The following PCNT variants were observed in gnomAD, a reference collection of about 807,000 sequenced individuals.
PCNT encodes kendrin.
Under a neutral mutation model 380.4 loss-of-function variants are expected in PCNT, and 319 were observed. The observed-to-expected ratio is 0.84, with a 90% CI of 0.77 to 0.92. The LOEUF is 0.92. Ranked by LOEUF, PCNT falls within the 40% of genes least tolerant of loss-of-function variation. The probability of loss-of-function intolerance (pLI) is 0.00; values close to 1 mark genes in which losing one functional copy is unlikely to be tolerated. For missense variants in PCNT, 4,400 were observed against 4,255.3 expected, an observed-to-expected ratio of 1.03 and a Z score of -0.95; for synonymous variants, 1,845 against 1,735.2, an observed-to-expected ratio of 1.06 and a Z score of -1.57.
intron 15 of PCNT, 52 bp from the exon 16 acceptor site, chr21:46,381,642 G>C (rs1460465069): frequency 3.2e-6 from 5 of 1,552,860 alleles, no homozygotes; most frequent in Non-Finnish European, 3.6e-6. Flanking sequence ...TAACAGCAAA[G>C]AAAGTATTTT....
At chr21:46,325,166 C>T (rs1425299835) in intron 1 of PCNT, 1 of 985,650 alleles carries the variant, frequency 1.0e-6, no homozygotes, top group Non-Finnish European at 1.2e-6. Flanking sequence ...AAGGGAGTCC[C>T]GAAAGCGCGA....
chr21:46,342,746 G>A (rs2083945380), intron 3 of PCNT, among the ~76,000 whole-genome samples: 1 of 151,726 alleles, frequency 6.6e-6, no homozygotes, highest in African/African-American at 2.4e-5. Flanking sequence ...TCAGCAGATG[G>A]TCTCAATCTC....
At chr21:46,339,228 C>T (rs2083846894) in intron 3 of PCNT, among the ~76,000 whole-genome samples, 1 of 152,098 alleles carries the variant, frequency 6.6e-6, no homozygotes, top group African/African-American at 2.4e-5. Flanking sequence ...TTTTTATTTC[C>T]CTTCTTGAAA....
intron 22 of PCNT, among the ~76,000 whole-genome samples, 194 bp from the exon 23 acceptor site, chr21:46,397,820 C>G (rs2086258289): frequency 6.6e-6 from 1 of 152,230 alleles, no homozygotes; most frequent in Non-Finnish European, 1.5e-5. Context: ...AGACGTTCCT[C>G]TGTGTTCCAT....
rs2086275074 is a variant in PCNT at position 46,398,274 on chromosome 21, G to A, written c.4584+19G>A. 6.3e-7 allele frequency: 1 copy of A among 1,598,592 alleles called. No individual in the cohort carries two copies. The highest frequency in any genetic ancestry group is 1.3e-5 in the African/African-American group (1 of 74,888). ...TGGAGAGGTGAGGAGGCGTCAACGA[G>A]ATGGGCACTCCCTGCGCTGGCGCCC... On this transcript the variant is annotated intron_variant, in intron 24 of 46. Transcript: ENST00000359568.
At position 46,412,826 on chromosome 21, in the gene PCNT, CCTCTGTCAA is replaced by C; in HGVS notation, c.5995-10_5995-2del. 6.2e-7 allele frequency: 1 copy of C among 1,610,204 alleles called. No homozygotes were observed. The highest frequency in any genetic ancestry group is 2.2e-5 in the East Asian group (1 of 44,886). On this transcript the variant is annotated splice_acceptor_variant and splice_polypyrimidine_tract_variant and intron_variant, in intron 28 of 46. Transcript: ENST00000359568. LOFTEE classifies it high-confidence loss of function. ...CTGCATGCTCAGCTTTCCTCTGTCT[CCTCTGTCAA>C]GGGTGATCTGCAGCCTGTCCTGGTG...
chr21:46,324,937 C>G (rs1480581566), intron 1 of PCNT: 2 of 985,424 alleles, frequency 2.0e-6, no homozygotes, highest in East Asian at 1.1e-4. Context: ...TCCCGGCCGC[C>G]GTCTTCTTCC....
rs575313866 is a variant in PCNT, at chr21:46,411,888, C to T, written c.5815C>T (p.Arg1939Trp). The change falls in exon 28 of 47, where the codon CGG becomes TGG. Residue 1939 changes from arginine (R) to tryptophan (W), a missense_variant. By Grantham distance (101) the Arg-to-Trp change is moderately radical. Transcript: ENST00000359568. ...LSRQLQVLHQ[R>W]FLRCQVELDR... ...CCGCCAGCTGCAGGTGCTGCACCAGCGGTTCCTGAGGTGCCAGGTGGAGCT... is the reference window on the plus strand; with the variant it reads ...CCGCCAGCTGCAGGTGCTGCACCAGTGGTTCCTGAGGTGCCAGGTGGAGCT... The T allele has an allele frequency of 8.2e-4, 1,287 of 1,575,856 alleles. 8 individuals are homozygous for T. In the South Asian group the frequency reaches 9.2e-3, roughly 11 times the overall value.
Position 46,324,166 on chromosome 21 carries a change from G to C in PCNT, c.-63G>C, listed in dbSNP as rs552901359. 8.5e-6 allele frequency: 12 copies of C among 1,410,538 alleles called. 1 individual carries two copies. In the South Asian group the frequency reaches 9.6e-5, roughly 11 times the overall value. 87.4% of individuals were successfully genotyped at this position (1,410,538 alleles called of 1,614,324 possible). A position where few individuals can be genotyped will look rare whatever the true frequency, so the allele number is the denominator to read the frequency against. On this transcript the variant is annotated 5_prime_UTR_variant, in exon 1 of 47. Transcript: ENST00000359568. ...AAGCGCGGGGGAGGGAGTGTAAATA[G>C]AGCGAAGGCTGCTCTGTGTCAGCCC...
chr21:46,355,634 C>T lies in PCNT; in HGVS notation c.1936+8C>T, dbSNP rs200759036. 1.6e-4 allele frequency: 259 copies of T among 1,611,874 alleles called. No homozygotes were observed. In the East Asian group the frequency reaches 5.5e-3, roughly 35 times the overall value. ...CTGAAGGGCACAGCCAAGGTGGGCC[C>T]CTCCCGCCTCGCCATGGTGTCGGCA... On this transcript the variant is annotated splice_region_variant and intron_variant, in intron 12 of 46. Transcript: ENST00000359568.
rs1229429095 is a variant in PCNT at position 46,349,743 on chromosome 21, C to T, written c.1267C>T (p.Leu423=). ...AGCCATTGAGAAGTTACGTGAAGACCTGCAGTCCGAGCACGGCCGGTGTTT... is the reference window on the plus strand; with the variant it reads ...AGCCATTGAGAAGTTACGTGAAGACTTGCAGTCCGAGCACGGCCGGTGTTT... ...QAAIEKLRED[L]QSEHGRCLED... The change falls in exon 8 of 47, where the codon CTG becomes TTG. Residue 423 remains leucine (L), a synonymous_variant. Coordinates refer to ENST00000359568, the MANE Select transcript of PCNT (RefSeq NM_006031.6). 6.2e-7 allele frequency: 1 copy of T among 1,613,902 alleles called. No individual in the cohort carries two copies. The highest frequency in any genetic ancestry group is 8.5e-7 in the Non-Finnish European group (1 of 1,179,800).
intron 13 of PCNT, among the ~76,000 whole-genome samples, chr21:46,362,996 G>T (rs1211594395): frequency 6.6e-6 from 1 of 152,170 alleles, no homozygotes; most frequent in Non-Finnish European, 1.5e-5. Context: ...TCCTGGCGTT[G>T]ACCTTGTACA....
At chr21:46,424,771 C>G (rs958437012) in intron 32 of PCNT, among the ~76,000 whole-genome samples, 28 of 150,026 alleles carry the variant, frequency 1.9e-4, no homozygotes, top group African/African-American at 6.9e-4. Flanking sequence ...TCCGCTCCTC[C>G]CCGCACCACC....
At chr21:46,429,479 A>T (rs1324915682) in intron 35 of PCNT, among the ~76,000 whole-genome samples, 1 of 79,640 alleles carries the variant, frequency 1.3e-5, no homozygotes, top group Non-Finnish European at 2.6e-5. Context: ...ATCGCTCGTG[A>T]GGGGCATGGG....
intron 33 of PCNT, among the ~76,000 whole-genome samples, chr21:46,426,302 G>A (rs2087503238): frequency 6.6e-6 from 1 of 152,244 alleles, no homozygotes; most frequent in African/African-American, 2.4e-5. Context: ...AAAGTGCTGG[G>A]ATTACAGGCA....
chr21:46,418,383 A>G (rs774438950), intron 31 of PCNT, 77 bp downstream of exon 31: 29 of 913,034 alleles, frequency 3.2e-5, no homozygotes, highest in Admixed American at 1.9e-4. Flanking sequence ...GAATTCCTGC[A>G]TCCTTTGCCT....
intron 32 of PCNT, among the ~76,000 whole-genome samples, chr21:46,424,206 C>T (rs1043509688): frequency 2.0e-5 from 3 of 152,210 alleles, no homozygotes; most frequent in African/African-American, 7.2e-5. Flanking sequence ...AGGTCCTGAG[C>T]ACGGGTGGGG....
intron 31 of PCNT, chr21:46,420,460 C>A (rs959062288): frequency 3.3e-5 from 5 of 152,200 alleles, no homozygotes; most frequent in African/African-American, 9.7e-5. Flanking sequence ...TTCCTCTCTC[C>A]TTTAGCTTTA....
intron 38 of PCNT, among the ~76,000 whole-genome samples, chr21:46,435,002 G>A (rs369319051): frequency 1.6e-4 from 25 of 152,242 alleles, no homozygotes; most frequent in South Asian, 8.3e-4. Context: ...CGATGGAAAC[G>A]CTTTTACCAC....
Sources: allele counts gnomAD v4.1 joint callset (sites outside exome capture counted in the v4.1 genomes callset), GRCh38; gene constraint gnomAD v4.1.1; transcripts MANE v1.5; gene names NCBI Gene and HGNC (gene_info 2026-07-23, HGNC 2026-07-21).